PLAT: variants seen among roughly 807,000 people sequenced by gnomAD.
PLAT encodes tissue-type plasminogen activator.
In PLAT, 48 loss-of-function variants were observed where a neutral mutation model predicts 74.9. That is an observed-to-expected ratio of 0.64 (90% CI 0.51 to 0.82). The LOEUF is 0.82. Among genes scored for constraint, PLAT ranks in the 40% least tolerant of loss-of-function variants. PLAT has a pLI of 0.00. For missense variants in PLAT, 673 were observed against 736.2 expected (o/e 0.91, Z 0.99); for synonymous variants, 307 against 294.4 (o/e 1.04, Z -0.44).
intron 5 of PLAT, 35 bp from the exon 6 acceptor site, chr8:42,187,607 G>A: frequency 6.5e-7 from 1 of 1,546,460 alleles, no homozygotes; most frequent in Non-Finnish European, 8.8e-7. Flanking sequence ...CCTCACATGG[G>A]AGTCCCCTTT....
At chr8:42,206,269 T>G (rs1406945709) in intron 1 of PLAT, among the ~76,000 whole-genome samples, 1 of 152,088 alleles carries the variant, frequency 6.6e-6, no homozygotes, top group Non-Finnish European at 1.5e-5. Context: ...ACATTTTAGG[T>G]GGAATAAATG....
intron 13 of PLAT, among the ~76,000 whole-genome samples, 172 bp from the exon 14 acceptor site, chr8:42,176,323 G>C (rs1345842211): frequency 6.6e-6 from 1 of 152,218 alleles, no homozygotes; most frequent in East Asian, 1.9e-4. Context: ...ATCAATTCCT[G>C]TCTGGGGACA....
chr8:42,183,753 G>T (rs1293739930), intron 7 of PLAT, among the ~76,000 whole-genome samples: 11 of 151,966 alleles, frequency 7.2e-5, no homozygotes, highest in Non-Finnish European at 1.2e-4. Context: ...ATCTAGATCT[G>T]CGAGTCCTCA....
intron 12 of PLAT, 123 bp downstream of exon 12, chr8:42,179,803 A>C (rs1232881887): frequency 1.1e-6 from 1 of 945,934 alleles, no homozygotes; most frequent in East Asian, 2.7e-5. Flanking sequence ...GGGAGACGGG[A>C]CTGGCGTCAG....
chr8:42,192,178 AT>A (rs1805714364), intron 2 of PLAT, among the ~76,000 whole-genome samples: 1 of 151,438 alleles, frequency 6.6e-6, no homozygotes, highest in Admixed American at 6.6e-5. Context: ...TAATTTTTAA[AT>A]TTTTTGTAGA....
intron 2 of PLAT, 98 bp downstream of exon 2, chr8:42,193,016 G>T: frequency 1.2e-6 from 1 of 816,332 alleles, no homozygotes; most frequent in Non-Finnish European, 2.1e-6. Flanking sequence ...CTCCCTGACA[G>T]CATTCCAACC....
At chr8:42,177,909 G>C (rs766230114) in intron 13 of PLAT, among the ~76,000 whole-genome samples, 6 of 152,188 alleles carry the variant, frequency 3.9e-5, no homozygotes, top group Non-Finnish European at 7.3e-5. Flanking sequence ...ACTTCTCTTT[G>C]TATCTCTTCT....
intron 12 of PLAT, among the ~76,000 whole-genome samples, 158 bp downstream of exon 12, chr8:42,179,759 GGCAGAGACA>G (rs368667370): frequency 2.0e-5 from 3 of 152,182 alleles, no homozygotes; most frequent in Admixed American, 6.5e-5. Flanking sequence ...GTCCCTGTGA[GGCAGAGACA>G]GCAGAGACGG....
At chr8:42,197,012 A>G (rs1035198268) in intron 1 of PLAT, among the ~76,000 whole-genome samples, 2 of 152,198 alleles carry the variant, frequency 1.3e-5, no homozygotes, top group Admixed American at 6.5e-5. Context: ...GCTGGTCCCC[A>G]AGACCCCAAG....
intron 7 of PLAT, among the ~76,000 whole-genome samples, chr8:42,183,967 G>C (rs1188219176): frequency 1.3e-5 from 2 of 151,872 alleles, no homozygotes; most frequent in Non-Finnish European, 2.9e-5. Context: ...TTTTGAGGCA[G>C]GATCTCACTG....
At chr8:42,192,579 A>G (rs987579907) in intron 2 of PLAT, among the ~76,000 whole-genome samples, 2 of 151,266 alleles carry the variant, frequency 1.3e-5, no homozygotes, top group African/African-American at 4.9e-5. Flanking sequence ...AATAACACAA[A>G]TTAAAAAATA....
At chr8:42,201,647 AC>A (rs1806137127) in intron 1 of PLAT, among the ~76,000 whole-genome samples, 1 of 152,202 alleles carries the variant, frequency 6.6e-6, no homozygotes, top group Non-Finnish European at 1.5e-5. Context: ...TTTCCTGAAT[AC>A]AGGGTGATGT....
At chr8:42,202,860 G>C (rs1020052803) in intron 1 of PLAT, among the ~76,000 whole-genome samples, 1 of 152,114 alleles carries the variant, frequency 6.6e-6, no homozygotes. Flanking sequence ...AAGCTGTTCC[G>C]GGAACACACG....
chr8:42,175,893 G>A lies in PLAT; in HGVS notation c.*100C>T. ...CTCGTCCCGCTTCTGCGGTGTGGTG[G>A]GTCTGGAGAAGTCTGTAGAGAAGCA... On this transcript the variant is annotated 3_prime_UTR_variant, in exon 14 of 14. Coordinates refer to ENST00000220809, the MANE Select transcript of PLAT (RefSeq NM_000930.5). 1 of 1,135,642 alleles carries A rather than the reference G, an allele frequency of 8.8e-7. No individual in the cohort carries two copies. Among genetic ancestry groups the A allele is most frequent in the Non-Finnish European group, 1.3e-6 (1 of 772,386 alleles). The allele number at this position is 1,135,642 out of a possible 1,614,324, so 70.3% of individuals were successfully genotyped here. A position where few individuals can be genotyped will look rare whatever the true frequency, so the allele number is the denominator to read the frequency against.
In PLAT at chr8:42,175,987, TC is replaced by T; in HGVS notation, c.*5del. On this transcript the variant is annotated 3_prime_UTR_variant, in exon 14 of 14. Coordinates refer to ENST00000220809, the MANE Select transcript of PLAT (RefSeq NM_000930.5). ...CATTTGCTTTTGAGGAGTCGGGTGT[TC>T]CTGGTCACGGTCGCATGTTGTCACG... The T allele has an allele frequency of 6.2e-7, 1 of 1,613,944 alleles. No homozygotes were observed. Among genetic ancestry groups the T allele is most frequent in the Non-Finnish European group, 8.5e-7 (1 of 1,179,862 alleles).
chr8:42,197,593 G>A lies in PLAT; in HGVS notation c.-26-4382C>T, dbSNP rs555242443. ...GTGGCCACATGGGGAAATGATGGTC[G>A]ATGGGCACCAGTGAGTAACTGATTC... On this transcript the variant is annotated intron_variant, in intron 1 of 13. Transcript: ENST00000220809. Among the ~76,000 whole-genome samples the A allele has an allele frequency of 5.3e-5, 8 of 152,262 alleles. No individual in the cohort carries two copies. In the East Asian group the frequency reaches 7.7e-4, roughly 15 times the overall value.
Position 42,182,713 on chromosome 8 carries a change from A to G in PLAT, c.803+6T>C. On this transcript the variant is annotated splice_donor_region_variant and intron_variant, in intron 8 of 13. Coordinates refer to ENST00000220809, the MANE Select transcript of PLAT (RefSeq NM_000930.5). ...GACCTGAACCCCCCACCCCTGTGCTACCTACCGGCAGTAATTATGTTTGCC... is the reference window on the plus strand; with the variant it reads ...GACCTGAACCCCCCACCCCTGTGCTGCCTACCGGCAGTAATTATGTTTGCC... 6.3e-7 allele frequency: 1 copy of G among 1,597,838 alleles called. No individual in the cohort carries two copies. The highest frequency in any genetic ancestry group is 8.5e-7 in the Non-Finnish European group (1 of 1,171,854).
At position 42,193,209 on chromosome 8, in the gene PLAT, A is replaced by G. The variant is rs528490733; in HGVS notation, c.-24T>C. ...ATGATTGCTTCACAGCGTCCCTTAAATTCTGGAAGGAGAGAAAAAACAGCT... is the reference window on the plus strand; with the variant it reads ...ATGATTGCTTCACAGCGTCCCTTAAGTTCTGGAAGGAGAGAAAAAACAGCT... On this transcript the variant is annotated splice_region_variant and 5_prime_UTR_variant, in exon 2 of 14. Coordinates refer to ENST00000220809, the MANE Select transcript of PLAT (RefSeq NM_000930.5). The G allele has an allele frequency of 5.0e-6, 8 of 1,603,586 alleles. No individual in the cohort carries two copies. The South Asian group carries it at 7.7e-5, about 15-fold the overall frequency.
chr8:42,184,420 C>G (rs1645857810), intron 7 of PLAT, among the ~76,000 whole-genome samples: 1 of 152,074 alleles, frequency 6.6e-6, no homozygotes, highest in African/African-American at 2.4e-5. Context: ...AGTGCAGTGG[C>G]ATGATCTCGG....
Sources: gnomAD v4.1 joint callset for allele counts (sites outside exome capture counted in the v4.1 genomes callset) on GRCh38, gnomAD v4.1.1 for gene constraint, MANE v1.5 for transcripts, NCBI Gene and HGNC (gene_info 2026-07-23, HGNC 2026-07-21) for gene names.